Variants in AFF3 observed in about 807,000 individuals in gnomAD.
AFF3 encodes ALF transcription elongation factor 3.
Under a neutral mutation model 129.7 loss-of-function variants are expected in AFF3, and 32 were observed. The ratio of observed to expected loss-of-function variants is 0.25; its 90% CI spans 0.19 to 0.33. AFF3 has a LOEUF of 0.33. Among genes scored for constraint, AFF3 ranks in the 10% least tolerant of loss-of-function variants. The pLI, the probability that AFF3 is intolerant of heterozygous loss-of-function variation, is 1.00. For synonymous variants in AFF3, 644 were observed against 635.4 expected (o/e 1.01, Z -0.20); for missense variants, 1,373 against 1,592.0 (o/e 0.86, Z 2.34).
Position 99,548,991 on chromosome 2 carries a change from G to A in AFF3, c.*2483C>T, listed in dbSNP as rs1166618810. ...GTTTCAAGAAGTTTTCCTGGGAAAT[G>A]TGGGCCATCAGAGTGCTGATAAAAC... On this transcript the variant is annotated 3_prime_UTR_variant, in exon 25 of 25. Coordinates refer to ENST00000672756, the MANE Select transcript of AFF3 (RefSeq NM_001386135.1). 4.3e-6 allele frequency: 1 copy of A among 230,064 alleles called. No homozygotes were observed. The highest frequency in any genetic ancestry group is 2.2e-5 in the African/African-American group (1 of 45,182). 14.3% of individuals were successfully genotyped at this position (230,064 alleles called of 1,614,324 possible).
chr2:99,908,837 G>C lies in AFF3; in HGVS notation c.874-71313C>G, dbSNP rs554123391. On this transcript the variant is annotated intron_variant, in intron 7 of 24. Transcript: ENST00000672756. ...AAGTCAGGAAACAACAGGTGCTGGA[G>C]AGGATGTGGAGAAATAGGAACACTT... Among the ~76,000 whole-genome samples the C allele has an allele frequency of 3.3e-3, 497 of 152,302 alleles. 4 individuals carry two copies. Among genetic ancestry groups the C allele is most frequent in the African/African-American group, 0.011 (461 of 41,570 alleles).
At chr2:99,986,924 T>C (rs528109231) in intron 7 of AFF3, among the ~76,000 whole-genome samples, 1 of 152,284 alleles carries the variant, frequency 6.6e-6, no homozygotes, top group African/African-American at 2.4e-5. Flanking sequence ...CAAGTGGTGG[T>C]TGTTAATGAT....
chr2:99,925,310 T>C (rs1238501386), intron 7 of AFF3, among the ~76,000 whole-genome samples: 1 of 152,236 alleles, frequency 6.6e-6, no homozygotes, highest in East Asian at 1.9e-4. Context: ...TTGACATGGA[T>C]GATCAATCCT....
chr2:99,585,735 T>G (rs1678040637), intron 16 of AFF3, among the ~76,000 whole-genome samples: 1 of 152,132 alleles, frequency 6.6e-6, no homozygotes, highest in Admixed American at 6.5e-5. Context: ...TTTTTTCTTT[T>G]TCTTTTCTTT....
intron 13 of AFF3, among the ~76,000 whole-genome samples, chr2:99,643,195 G>T (rs923704078): frequency 7.9e-5 from 12 of 151,760 alleles, no homozygotes; most frequent in Admixed American, 2.0e-4. Flanking sequence ...GAGTAGCTGG[G>T]ATTACAGGTG....
At chr2:100,072,807 T>C (rs1221066257) in intron 4 of AFF3, among the ~76,000 whole-genome samples, 1 of 152,226 alleles carries the variant, frequency 6.6e-6, no homozygotes, top group Admixed American at 6.5e-5. Flanking sequence ...CTGTTTCTTC[T>C]CGTTTGTATT....
chr2:99,962,246 A>C (rs1046638082), intron 7 of AFF3, among the ~76,000 whole-genome samples: 9 of 152,214 alleles, frequency 5.9e-5, no homozygotes, highest in African/African-American at 2.2e-4. Context: ...AGACCAAAGT[A>C]GCACTACAAA....
At chr2:99,770,058 G>C (rs1382260852) in intron 8 of AFF3, among the ~76,000 whole-genome samples, 2 of 152,230 alleles carry the variant, frequency 1.3e-5, no homozygotes, top group Non-Finnish European at 2.9e-5. Flanking sequence ...AGCTGGGTTT[G>C]TGTCTTTCCC....
At chr2:99,741,482 G>A (rs529443294) in intron 10 of AFF3, among the ~76,000 whole-genome samples, 1 of 152,084 alleles carries the variant, frequency 6.6e-6, no homozygotes, top group Admixed American at 6.6e-5. Flanking sequence ...GCTTGAAAGA[G>A]AATAAAATAC....
At chr2:99,567,633 G>A (rs1026651307) in intron 19 of AFF3, among the ~76,000 whole-genome samples, 5 of 152,272 alleles carry the variant, frequency 3.3e-5, no homozygotes, top group East Asian at 1.9e-4. Flanking sequence ...TGCTGAGGGT[G>A]TGAGTGTGCC....
chr2:99,775,577 AG>A (rs1575944682), intron 8 of AFF3, among the ~76,000 whole-genome samples: 1 of 152,116 alleles, frequency 6.6e-6, no homozygotes, highest in African/African-American at 2.4e-5. Flanking sequence ...AGGTAGGAGG[AG>A]GGAAAAATCA....
At chr2:100,123,801 G>A (rs908711297) in intron 2 of AFF3, among the ~76,000 whole-genome samples, 3 of 152,112 alleles carry the variant, frequency 2.0e-5, no homozygotes, top group Non-Finnish European at 4.4e-5. Flanking sequence ...GTGAAACACA[G>A]TCACTTAATC....
intron 2 of AFF3, among the ~76,000 whole-genome samples, chr2:100,127,381 T>C (rs976928990): frequency 6.6e-6 from 1 of 152,122 alleles, no homozygotes; most frequent in Non-Finnish European, 1.5e-5. Context: ...TCCCCTTTCA[T>C]AGGTAAGGAA....
In AFF3 at chr2:99,692,974, C is replaced by T. The variant is rs147485185; in HGVS notation, c.1092-20385G>A. On this transcript the variant is annotated intron_variant, in intron 11 of 24. Transcript: ENST00000672756. The stretch of plus-strand genomic sequence containing the variant: ...CTCCTGTCACCTTATATTGAAGTGA[C>T]CATTCTCACTCCAGCCTCGCCCTCT... 1.7e-3 allele frequency among the ~76,000 whole-genome samples: 266 copies of T among 152,348 alleles called. 5 individuals are homozygous for T. Among genetic ancestry groups the T allele is most frequent in the Non-Finnish European group, 2.9e-4 (20 of 68,036 alleles).
intron 8 of AFF3, among the ~76,000 whole-genome samples, chr2:99,777,826 G>A (rs183033329): frequency 3.8e-4 from 58 of 151,598 alleles, no homozygotes; most frequent in African/African-American, 1.3e-3. Context: ...ACCAGCTCCC[G>A]GTGGTCCCAC....
intron 7 of AFF3, among the ~76,000 whole-genome samples, chr2:99,946,451 T>C (rs575248343): frequency 1.6e-4 from 19 of 122,362 alleles, no homozygotes; most frequent in African/African-American, 5.7e-4. Context: ...TCCAGCCTGG[T>C]TGACAGAGTG....
At chr2:99,793,281 C>T (rs866900735) in intron 8 of AFF3, among the ~76,000 whole-genome samples, 3 of 152,228 alleles carry the variant, frequency 2.0e-5, no homozygotes, top group South Asian at 2.1e-4. Flanking sequence ...CTATAAGCTT[C>T]GTGAGGCCTC....
rs565177675 is a variant in AFF3, at chr2:99,770,079, C to T, written c.922-17778G>A. 1.0e-3 allele frequency among the ~76,000 whole-genome samples: 154 copies of T among 152,048 alleles called. 3 individuals carry two copies. Among genetic ancestry groups the T allele is most frequent in the Middle Eastern group, 6.9e-3 (2 of 288 alleles). ...GTTTGTGTCTTTCCCTTCAGGGCAG[C>T]GAGTTCCCCCAGCTGGGTCCAGAGA... is the stretch of plus-strand genomic sequence containing the variant. On this transcript the variant is annotated intron_variant, in intron 8 of 24. Transcript: ENST00000672756.
chr2:99,835,780 C>T (rs1688827514), intron 8 of AFF3, among the ~76,000 whole-genome samples: 1 of 152,152 alleles, frequency 6.6e-6, no homozygotes, highest in Admixed American at 6.5e-5. Flanking sequence ...CAGACTTCAG[C>T]CTTGCATATG....
Sources: allele counts gnomAD v4.1 joint callset (sites outside exome capture counted in the v4.1 genomes callset), GRCh38; gene constraint gnomAD v4.1.1; transcripts MANE v1.5; gene names NCBI Gene and HGNC (gene_info 2026-07-23, HGNC 2026-07-21).